LCK: variants seen among roughly 807,000 people sequenced by gnomAD.
LCK encodes tyrosine-protein kinase Lck.
Under a neutral mutation model 64.6 loss-of-function variants are expected in LCK, and 14 were observed. The observed-to-expected ratio is 0.22, with a 90% CI of 0.14 to 0.34. LCK has a LOEUF of 0.34. Ranked by LOEUF, LCK falls within the 10% of genes least tolerant of loss-of-function variation. LCK has a pLI of 1.00. For synonymous variants in LCK, 277 were observed against 263.6 expected (o/e 1.05, Z -0.49); for missense variants, 434 against 668.1 (o/e 0.65, Z 3.86).
chr1:32,285,077 C>T (rs1033248049), intron 12 of LCK, among the ~76,000 whole-genome samples: 4 of 151,566 alleles, frequency 2.6e-5, no homozygotes, highest in Non-Finnish European at 4.4e-5. Context: ...CTGAGGCGGG[C>T]GGATCACCTG....
At position 32,275,610 on chromosome 1, in the gene LCK, A is replaced by G; in HGVS notation, c.419A>G (p.Gln140Arg). The change falls in exon 6 of 13, where the codon CAG becomes CGG. Residue 140 changes from glutamine to arginine, a missense_variant. Coordinates refer to ENST00000336890, the MANE Select transcript of LCK (RefSeq NM_005356.5). The surrounding 1 kb of genome is among the most constrained non-coding windows in gnomAD (Gnocchi z 6.9). ...KNLSRKDAERQLLAPGNTHGS... is the reference protein window; with the variant it reads ...KNLSRKDAERRLLAPGNTHGS... ...CTGAGCCGCAAGGACGCGGAGCGGC[A>G]GCTCCTGGCGCCCGGGAACACTCAC... 1 of 1,574,890 alleles carries G rather than the reference A, an allele frequency of 6.3e-7. No individual in the cohort carries two copies. The highest frequency in any genetic ancestry group is 8.6e-7 in the Non-Finnish European group (1 of 1,160,390).
chr1:32,263,427 AAATAAATAAATAAAT>A lies in LCK; in HGVS notation c.-5-10895_-5-10881del, dbSNP rs1172361286. 7.2e-3 allele frequency among the ~76,000 whole-genome samples: 1,031 copies of A among 142,286 alleles called. 14 individuals are homozygous for A. Among genetic ancestry groups the A allele is most frequent in the African/African-American group, 0.027 (968 of 35,850 alleles). 93.3% of individuals were successfully genotyped at this position (142,286 alleles called of 152,430 possible). On this transcript the variant is annotated intron_variant, in intron 1 of 12. Transcript: ENST00000336890. The stretch of plus-strand genomic sequence containing the variant: ...AAAATAAATAAATAAATAAATAAAT[AAATAAATAAATAAAT>A]AAATAAAAATTAGACTGGGCATGGT...
rs1043664922 is a variant in LCK at position 32,251,938 on chromosome 1, C to T, written c.-6+567C>T. Among the ~76,000 whole-genome samples, 3 of 105,880 alleles carry T rather than the reference C, an allele frequency of 2.8e-5. No homozygotes were observed. The highest frequency in any genetic ancestry group is 1.1e-4 in the African/African-American group (3 of 28,494). 69.5% of individuals were successfully genotyped at this position (105,880 alleles called of 152,430 possible). A position where few individuals can be genotyped will look rare whatever the true frequency, so the allele number is the denominator to read the frequency against. On this transcript the variant is annotated intron_variant, in intron 1 of 12. Coordinates refer to ENST00000336890, the MANE Select transcript of LCK (RefSeq NM_005356.5). The surrounding 1 kb of genome is among the most constrained non-coding windows in gnomAD (Gnocchi z 4.0). ...AGAGAGAGAGAGAGAGAGAGAGAGA[C>T]AGAGATCACCCAAGGCATCCAGATG... is the stretch of plus-strand genomic sequence containing the variant.
At chr1:32,268,868 G>T (rs1237872617) in intron 1 of LCK, among the ~76,000 whole-genome samples, 2 of 151,244 alleles carry the variant, frequency 1.3e-5, no homozygotes, top group African/African-American at 4.8e-5. Context: ...TGGGCACAGT[G>T]GCTCATTGCC....
intron 1 of LCK, among the ~76,000 whole-genome samples, chr1:32,264,291 C>A (rs1639857449): frequency 6.6e-6 from 1 of 152,214 alleles, no homozygotes; most frequent in South Asian, 2.1e-4. Context: ...GCCTCACATT[C>A]TCCTAGACCT....
intron 1 of LCK, among the ~76,000 whole-genome samples, chr1:32,272,625 G>GAGAGAGAGAGAGAGAAAA (rs1557581400): frequency 7.2e-6 from 1 of 139,570 alleles, no homozygotes; most frequent in Non-Finnish European, 1.5e-5. Context: ...GAGAGAGAAA[G>GAGAGAGAGAGAGAGAAAA]AGAGAGAGAG....
intron 9 of LCK, among the ~76,000 whole-genome samples, chr1:32,277,922 C>A (rs1362278747): frequency 1.3e-5 from 2 of 152,206 alleles, no homozygotes; most frequent in African/African-American, 4.8e-5. Context: ...AAGCCTATAA[C>A]TCCAGCACTT....
chr1:32,270,691 ACT>A (rs1640056071), intron 1 of LCK, among the ~76,000 whole-genome samples: 3 of 83,408 alleles, frequency 3.6e-5, no homozygotes, highest in African/African-American at 1.5e-4. Context: ...TCGTGCCCGG[ACT>A]TTTTTTTTTT....
intron 1 of LCK, among the ~76,000 whole-genome samples, chr1:32,252,298 G>A (rs1639528120): frequency 6.6e-6 from 1 of 152,060 alleles, no homozygotes; most frequent in South Asian, 2.1e-4. Flanking sequence ...GCCTGTGTAG[G>A]GCCAGTTGGT....
At chr1:32,283,039 C>A (rs1187993156) in intron 12 of LCK, among the ~76,000 whole-genome samples, 1 of 151,692 alleles carries the variant, frequency 6.6e-6, no homozygotes, top group Non-Finnish European at 1.5e-5. Context: ...CGCCTGCAAC[C>A]CAGCACTTTG....
At chr1:32,261,952 GAAAAAAAAA>G (rs934560000) in intron 1 of LCK, among the ~76,000 whole-genome samples, 1 of 40,116 alleles carries the variant, frequency 2.5e-5, no homozygotes, top group African/African-American at 7.9e-5. Flanking sequence ...GACTCTGTCA[GAAAAAAAAA>G]AAAAAAAAAA....
intron 1 of LCK, among the ~76,000 whole-genome samples, chr1:32,270,394 G>A (rs550015123): frequency 8.6e-5 from 13 of 151,400 alleles, no homozygotes; most frequent in South Asian, 2.1e-4. Context: ...ATGAGCCACC[G>A]TGCCCAGCCT....
At chr1:32,283,125 C>T (rs988988890) in intron 12 of LCK, among the ~76,000 whole-genome samples, 4 of 151,744 alleles carry the variant, frequency 2.6e-5, no homozygotes, top group Non-Finnish European at 5.9e-5. Context: ...CCCATCTCTA[C>T]TAAAAATACA....
Position 32,276,785 on chromosome 1 carries a change from T to C in LCK, c.963T>C (p.Asn321=), listed in dbSNP as rs1388701655. Residue 321 remains asparagine, a splice_region_variant and synonymous_variant, in exon 9 of 13, where the codon AAT becomes AAC. Coordinates refer to ENST00000336890, the MANE Select transcript of LCK (RefSeq NM_005356.5). This position sits in a 1 kb window ranked among gnomAD's most constrained non-coding sequence, Gnocchi z 4.6. ...PIYIITEYME[N]GSLVDFLKTP... is the part of the protein sequence containing the mutation. ...ACATCATCACTGAATACATGGAGAA[T>C]GGTGGGTGCTACCCGAGTCGGCTAC... 7 of 1,598,428 alleles carry C rather than the reference T, an allele frequency of 4.4e-6. No homozygotes were observed. Among genetic ancestry groups the C allele is most frequent in the Non-Finnish European group, 6.0e-6 (7 of 1,169,248 alleles).
intron 1 of LCK, among the ~76,000 whole-genome samples, chr1:32,265,182 C>CAAA (rs557764597): frequency 2.1e-5 from 2 of 95,656 alleles, no homozygotes. Flanking sequence ...GACTTTGTCT[C>CAAA]AAAAAAAAAA....
intron 1 of LCK, among the ~76,000 whole-genome samples, chr1:32,273,417 TGA>T (rs1330854345): frequency 6.6e-6 from 1 of 151,188 alleles, no homozygotes; most frequent in Non-Finnish European, 1.5e-5. Context: ...TGTGTGTGTG[TGA>T]GAGAGTGTGT....
chr1:32,268,209 G>T (rs1639978763), intron 1 of LCK, among the ~76,000 whole-genome samples: 1 of 151,834 alleles, frequency 6.6e-6, no homozygotes, highest in African/African-American at 2.4e-5. Flanking sequence ...AAATAAAAAA[G>T]AAAAAAGTAA....
intron 12 of LCK, among the ~76,000 whole-genome samples, chr1:32,281,302 A>T (rs1350086801): frequency 6.6e-6 from 1 of 151,188 alleles, no homozygotes; most frequent in Non-Finnish European, 1.5e-5. Flanking sequence ...CAAAAAAAAC[A>T]TTTAAAAATT....
At chr1:32,284,261 T>TATATATATATCTGTGAG (rs995471718) in intron 12 of LCK, among the ~76,000 whole-genome samples, 6 of 149,042 alleles carry the variant, frequency 4.0e-5, no homozygotes, top group Admixed American at 6.8e-5. Context: ...GATATATATA[T>TATATATATATCTGTGAG]ATATATATAT....
Sources: allele counts gnomAD v4.1 joint callset (sites outside exome capture counted in the v4.1 genomes callset), GRCh38; gene constraint gnomAD v4.1.1; non-coding constraint Gnocchi (gnomAD v3.1); transcripts MANE v1.5; gene names NCBI Gene and HGNC (gene_info 2026-07-23, HGNC 2026-07-21).